CNDP2: variants seen among roughly 807,000 people sequenced by gnomAD.
The protein encoded by CNDP2 is carnosine dipeptidase 2.
Under a neutral mutation model 55.0 loss-of-function variants are expected in CNDP2, and 38 were observed. The ratio of observed to expected loss-of-function variants is 0.69; its 90% confidence interval spans 0.53 to 0.90. CNDP2 has a LOEUF of 0.90. Among genes scored for constraint, CNDP2 ranks in the 40% least tolerant of loss-of-function variants. The pLI, the probability that CNDP2 is intolerant of heterozygous loss-of-function variation, is 0.00. For missense variants in CNDP2, 607 were observed against 621.7 expected (o/e 0.98, Z 0.25); for synonymous variants, 241 against 260.2 (o/e 0.93, Z 0.71).
At chr18:74,505,016 A>T (rs1978931303) in intron 3 of CNDP2, 1 of 152,224 alleles carries the variant, frequency 6.6e-6, no homozygotes, top group Non-Finnish European at 1.5e-5. Context: ...ATTGTGGAAT[A>T]TTGGTAGTGC....
chr18:74,500,806 C>T (rs1447456159), intron 2 of CNDP2, among the ~76,000 whole-genome samples: 1 of 152,212 alleles, frequency 6.6e-6, no homozygotes, highest in Non-Finnish European at 1.5e-5. Context: ...CTTTTAAGGG[C>T]TCACAGCACT....
At position 74,506,032 on chromosome 18, in the gene CNDP2, C is replaced by T. The variant is rs192548546; in HGVS notation, c.367+21C>T. 8.6e-5 allele frequency: 133 copies of T among 1,538,348 alleles called. No individual in the cohort carries two copies. The African/African-American group carries it at 1.1e-3, about 13-fold the overall frequency. On this transcript the variant is annotated intron_variant, in intron 4 of 11. Coordinates refer to ENST00000324262, the MANE Select transcript of CNDP2 (RefSeq NM_018235.3). ...AGACGGTGAGCGCCGCGCGCCTATG[C>T]GTGCCCAGAGGAAAGGCACTGACTT...
chr18:74,517,557 G>A (rs1393352978), intron 9 of CNDP2: 1 of 152,202 alleles, frequency 6.6e-6, no homozygotes, highest in African/African-American at 2.4e-5. Context: ...GGTAAGGACA[G>A]GGTCATTTAT....
chr18:74,518,336 A>T, intron 9 of CNDP2, 163 bp from the exon 10 acceptor site: 2 of 649,690 alleles, frequency 3.1e-6, no homozygotes, highest in Non-Finnish European at 5.3e-6. Context: ...TAAGCAACAG[A>T]AAATGAGACT....
intron 5 of CNDP2, 119 bp from the exon 6 acceptor site, chr18:74,510,694 G>C: frequency 2.4e-6 from 2 of 847,326 alleles, no homozygotes; most frequent in Non-Finnish European, 3.7e-6. Context: ...GGTGCACACG[G>C]AGGCCCATGT....
In CNDP2 at chr18:74,501,335, G is replaced by T; in HGVS notation, c.67G>T (p.Ala23Ser). The T allele has an allele frequency of 6.2e-7, 1 of 1,612,038 alleles. No individual in the cohort carries two copies. The highest frequency in any genetic ancestry group is 8.5e-7 in the Non-Finnish European group (1 of 1,179,152). Residue 23 changes from alanine (A) to serine (S), a missense_variant, in exon 3 of 12, where the codon GCA becomes TCA. By Grantham distance (99) the Ala-to-Ser change is moderately conservative. Transcript: ENST00000324262. ...ENQDRYIKKL[A>S]KWVAIQSVSA... ...GCTTCTTGTCCACAAACAGAAACTC[G>T]CAAAATGGGTGGCTATCCAGAGTGT...
chr18:74,500,297 TTAAA>T (rs1333514552), intron 2 of CNDP2, among the ~76,000 whole-genome samples: 2 of 152,266 alleles, frequency 1.3e-5, no homozygotes, highest in African/African-American at 4.8e-5. Context: ...TAGTTACAGA[TTAAA>T]TAGTTTGCAT....
At chr18:74,508,712 T>A (rs1168362766) in intron 4 of CNDP2, 128 bp from the exon 5 acceptor site, 5 of 688,900 alleles carry the variant, frequency 7.3e-6, no homozygotes, top group African/African-American at 1.8e-5. Flanking sequence ...AATTGGGGGC[T>A]CCTGATCGGA....
intron 3 of CNDP2, among the ~76,000 whole-genome samples, chr18:74,505,574 G>A (rs1978963685): frequency 6.7e-6 from 1 of 150,102 alleles, no homozygotes; most frequent in Non-Finnish European, 1.5e-5. Context: ...GCTCCAGCCT[G>A]GGTGACAGAG....
intron 3 of CNDP2, among the ~76,000 whole-genome samples, chr18:74,501,800 C>T (rs532781721): frequency 1.7e-4 from 26 of 152,306 alleles, no homozygotes; most frequent in Admixed American, 1.6e-3. Context: ...TAGGAAGTTA[C>T]ACTTTATTCA....
chr18:74,518,334 A>G, intron 9 of CNDP2, 165 bp from the exon 10 acceptor site: 1 of 643,768 alleles, frequency 1.6e-6, no homozygotes, highest in Non-Finnish European at 2.7e-6. Flanking sequence ...ATTAAGCAAC[A>G]GAAAATGAGA....
chr18:74,515,199 T>C (rs1426141268), intron 8 of CNDP2, among the ~76,000 whole-genome samples: 4 of 152,140 alleles, frequency 2.6e-5, no homozygotes, highest in Admixed American at 1.3e-4. Flanking sequence ...GGCCAGGATT[T>C]GAGTTCATCA....
intron 3 of CNDP2, among the ~76,000 whole-genome samples, chr18:74,504,514 C>A (rs1978902622): frequency 6.6e-6 from 1 of 152,240 alleles, no homozygotes; most frequent in East Asian, 1.9e-4. Flanking sequence ...GAGCTGGAGG[C>A]CCTGCAGTTT....
chr18:74,512,192 C>G, intron 6 of CNDP2: 1 of 442,458 alleles, frequency 2.3e-6, no homozygotes, highest in Non-Finnish European at 4.1e-6. Flanking sequence ...AGGCAGATTG[C>G]CCTGTGGAAT....
At chr18:74,498,181 A>ATGCATTGT (rs1164986806) in intron 1 of CNDP2, among the ~76,000 whole-genome samples, 1 of 152,272 alleles carries the variant, frequency 6.6e-6, no homozygotes, top group East Asian at 1.9e-4. Context: ...TTCCAAGAAA[A>ATGCATTGT]TGCATTGTTA....
intron 2 of CNDP2, 122 bp from the exon 3 acceptor site, chr18:74,501,207 A>T: frequency 6.8e-7 from 1 of 1,463,728 alleles, no homozygotes; most frequent in South Asian, 1.4e-5. Flanking sequence ...CCTATTTCCA[A>T]TCAGCCTGTT....
rs765930120 is a variant in CNDP2 at position 74,521,447 on chromosome 18, A to T, written c.*1379A>T. The T allele has an allele frequency of 6.6e-5, 10 of 152,278 alleles. No individual in the cohort carries two copies. Among genetic ancestry groups the T allele is most frequent in the Non-Finnish European group, 1.3e-4 (9 of 68,092 alleles). The allele number at this position is 152,278 out of a possible 1,614,324, so 9.4% of individuals were successfully genotyped here. A position where few individuals can be genotyped will look rare whatever the true frequency, so the allele number is the denominator to read the frequency against. ...TCAATGAAAGGAAAAGGCTCCTTGA[A>T]GTGGTTGGTTCCAGGGCTGGGCAGG... is the stretch of plus-strand genomic sequence containing the variant. On this transcript the variant is annotated 3_prime_UTR_variant, in exon 12 of 12. Coordinates refer to ENST00000324262, the MANE Select transcript of CNDP2 (RefSeq NM_018235.3).
chr18:74,513,644 G>A lies in CNDP2; in HGVS notation c.828G>A (p.Leu276=). 1 of 1,614,120 alleles carries A rather than the reference G, an allele frequency of 6.2e-7. No homozygotes were observed. Among genetic ancestry groups the A allele is most frequent in the Non-Finnish European group, 8.5e-7 (1 of 1,180,030 alleles). The change falls in exon 8 of 12, where the codon CTG becomes CTA. Residue 276 remains leucine (L), a synonymous_variant. Coordinates refer to ENST00000324262, the MANE Select transcript of CNDP2 (RefSeq NM_018235.3). ...CCGTCACGGAAGAGGAGCACAAGCTGTACGACGACATCGACTTTGACATAG... is the reference window on the plus strand; with the variant it reads ...CCGTCACGGAAGAGGAGCACAAGCTATACGACGACATCGACTTTGACATAG... ...VAAVTEEEHK[L]YDDIDFDIEE...
In CNDP2 at chr18:74,510,980, C is replaced by A; in HGVS notation, c.624C>A (p.Tyr208Ter). Reference protein sequence around the residue: ...WLGKKKPCITYGLRGICYFFI... With the variant: ...WLGKKKPCIT ...GAAAGAAGAAGCCCTGCATCACCTA[C>A]GGCCTCAGGGGCATTTGCTACTTTT... Residue 208 changes from tyrosine to a stop codon, truncating the protein, a stop_gained, in exon 6 of 12, where the codon TAC (tyrosine) becomes TAA (stop). Transcript: ENST00000324262. LOFTEE classifies it high-confidence loss of function. 1 of 1,614,202 alleles carries A rather than the reference C, an allele frequency of 6.2e-7. No homozygotes were observed. The highest frequency in any genetic ancestry group is 8.5e-7 in the Non-Finnish European group (1 of 1,180,022).
Sources: allele counts gnomAD v4.1 joint callset (sites outside exome capture counted in the v4.1 genomes callset), GRCh38; gene constraint gnomAD v4.1.1; transcripts MANE v1.5; gene names NCBI Gene and HGNC (gene_info 2026-07-23, HGNC 2026-07-21).